P4HA1: variants seen among roughly 807,000 people sequenced by gnomAD.
P4HA1 encodes prolyl 4-hydroxylase subunit alpha 1.
P4HA1 carries 24 observed loss-of-function variants against 72.8 expected under a neutral mutation model. That is an observed-to-expected ratio of 0.33 (90% confidence interval 0.24 to 0.46). The LOEUF (loss-of-function observed/expected upper bound fraction) is 0.46. Ranked by LOEUF, P4HA1 falls within the 20% of genes least tolerant of loss-of-function variation. The pLI, the probability that P4HA1 is intolerant of heterozygous loss-of-function variation, is 1.00. For synonymous variants in P4HA1, 201 were observed against 218.8 expected (o/e 0.92, Z 0.72); for missense variants, 446 against 640.6 (o/e 0.70, Z 3.28).
chr10:73,009,964 G>A (rs879126498), intron 13 of P4HA1, 61 bp from the exon 14 acceptor site: 6 of 820,646 alleles, frequency 7.3e-6, no homozygotes, highest in South Asian at 4.5e-5. Flanking sequence ...GCTTTCGGTA[G>A]TTATTACTTT....
intron 5 of P4HA1, among the ~76,000 whole-genome samples, chr10:73,066,068 C>T (rs1381850660): frequency 6.6e-6 from 1 of 152,160 alleles, no homozygotes; most frequent in Non-Finnish European, 1.5e-5. Flanking sequence ...TCAGAATAGT[C>T]ATTACCTCTA....
At chr10:73,060,075 C>A (rs1004349787) in intron 5 of P4HA1, among the ~76,000 whole-genome samples, 2 of 152,102 alleles carry the variant, frequency 1.3e-5, no homozygotes, top group Non-Finnish European at 2.9e-5. Context: ...AAATGAATTA[C>A]CTCAGATGTC....
intron 1 of P4HA1, among the ~76,000 whole-genome samples, chr10:73,083,087 T>C (rs1008804993): frequency 6.6e-6 from 1 of 152,110 alleles, no homozygotes; most frequent in Non-Finnish European, 1.5e-5. Flanking sequence ...TGTCAAAACT[T>C]GGCATGTCTT....
In P4HA1 at chr10:73,057,151, C is replaced by T. The variant is rs1169257203; in HGVS notation, c.464-3561G>A. Among the ~76,000 whole-genome samples, 5 of 150,686 alleles carry T rather than the reference C, an allele frequency of 3.3e-5. No individual in the cohort carries two copies. In the East Asian group the frequency reaches 7.9e-4, roughly 24 times the overall value. ...GAATAAATTATCATGGCATAAACTA[C>T]CCAGAATGCAGTAGAGAGAGATAAA... On this transcript the variant is annotated intron_variant, in intron 5 of 14. Coordinates refer to ENST00000394890, the MANE Select transcript of P4HA1 (RefSeq NM_001017962.3).
chr10:73,034,463 C>A (rs1840516549), intron 9 of P4HA1, among the ~76,000 whole-genome samples: 1 of 152,146 alleles, frequency 6.6e-6, no homozygotes, highest in African/African-American at 2.4e-5. Context: ...CTCCTCACAA[C>A]CCCTGGTAAT....
intron 1 of P4HA1, among the ~76,000 whole-genome samples, chr10:73,095,107 C>T (rs1288725277): frequency 6.6e-6 from 1 of 151,798 alleles, no homozygotes; most frequent in African/African-American, 2.4e-5. Flanking sequence ...GCACAATGTC[C>T]CAAAACCAAA....
intron 10 of P4HA1, among the ~76,000 whole-genome samples, chr10:73,028,346 A>AC (rs1840344803): frequency 2.7e-5 from 4 of 149,846 alleles, no homozygotes; most frequent in Admixed American, 6.6e-5. Flanking sequence ...ACACACACAC[A>AC]AAATACATTT....
chr10:73,051,764 A>T (rs974742571), intron 6 of P4HA1, among the ~76,000 whole-genome samples: 1 of 152,150 alleles, frequency 6.6e-6, no homozygotes, highest in African/African-American at 2.4e-5. Context: ...TGTCTCAAAA[A>T]AGACAGTTCT....
intron 11 of P4HA1, among the ~76,000 whole-genome samples, chr10:73,015,319 A>C (rs946558581): frequency 4.7e-4 from 71 of 152,338 alleles, no homozygotes; most frequent in African/African-American, 1.7e-3. Flanking sequence ...ATAGCCAAAA[A>C]CTAAAAACTA....
intron 6 of P4HA1, among the ~76,000 whole-genome samples, chr10:73,052,722 A>C (rs2133099483): frequency 6.6e-6 from 1 of 152,318 alleles, no homozygotes; most frequent in African/African-American, 2.4e-5. Context: ...TTAAAGTTTT[A>C]AAGCTTCGTT....
chr10:73,039,441 G>A (rs1840681055), intron 9 of P4HA1, among the ~76,000 whole-genome samples: 1 of 151,962 alleles, frequency 6.6e-6, no homozygotes, highest in Non-Finnish European at 1.5e-5. Flanking sequence ...CCAGTAGTTG[G>A]GACCACAGGC....
chr10:73,069,037 A>G, intron 4 of P4HA1, 54 bp from the exon 5 acceptor site: 1 of 1,308,194 alleles, frequency 7.6e-7, no homozygotes, highest in Admixed American at 2.0e-5. Flanking sequence ...TAAACTTCCC[A>G]TAAAGAGACT....
chr10:73,012,830 G>A (rs1205268776), intron 12 of P4HA1, among the ~76,000 whole-genome samples: 6 of 152,060 alleles, frequency 3.9e-5, no homozygotes, highest in South Asian at 4.1e-4. Flanking sequence ...GCCACGCTCC[G>A]TTATCCAGGC....
At chr10:73,083,177 A>G (rs975783360) in intron 1 of P4HA1, among the ~76,000 whole-genome samples, 1 of 152,208 alleles carries the variant, frequency 6.6e-6, no homozygotes, top group Non-Finnish European at 1.5e-5. Flanking sequence ...GTTCTTCCCT[A>G]TAATCCCTCT....
intron 12 of P4HA1, among the ~76,000 whole-genome samples, chr10:73,012,558 AAATTGGG>A (rs1839929212): frequency 1.3e-5 from 2 of 152,200 alleles, no homozygotes; most frequent in East Asian, 3.8e-4. Flanking sequence ...AGAGAAATAC[AAATTGGG>A]AATTGGGGAG....
intron 1 of P4HA1, among the ~76,000 whole-genome samples, chr10:73,087,599 G>C (rs184503672): frequency 6.6e-6 from 1 of 151,988 alleles, no homozygotes; most frequent in Admixed American, 6.6e-5. Context: ...TTTATCTGCT[G>C]TTCATACACC....
chr10:73,063,965 G>A (rs1841366175), intron 5 of P4HA1, among the ~76,000 whole-genome samples: 1 of 148,424 alleles, frequency 6.7e-6, no homozygotes, highest in Admixed American at 6.6e-5. Flanking sequence ...AATGAAATAA[G>A]GAAAGTGGTA....
intron 9 of P4HA1, among the ~76,000 whole-genome samples, chr10:73,042,400 A>G (rs1339897389): frequency 2.6e-5 from 4 of 152,178 alleles, no homozygotes; most frequent in Non-Finnish European, 5.9e-5. Flanking sequence ...AATTTCTCTG[A>G]GTACCTCCTA....
intron 9 of P4HA1, among the ~76,000 whole-genome samples, chr10:73,042,681 C>A (rs943129416): frequency 6.6e-6 from 1 of 150,720 alleles, no homozygotes; most frequent in Non-Finnish European, 1.5e-5. Flanking sequence ...AGTTTCATTC[C>A]ATTCTTATCC....
Sources: allele counts gnomAD v4.1 joint callset (sites outside exome capture counted in the v4.1 genomes callset), GRCh38; gene constraint gnomAD v4.1.1; transcripts MANE v1.5; gene names NCBI Gene and HGNC (gene_info 2026-07-23, HGNC 2026-07-21).